HERC1: variants seen among roughly 807,000 people sequenced by gnomAD.
HERC1 encodes probable E3 ubiquitin-protein ligase HERC1.
Under a neutral mutation model 554.3 loss-of-function variants are expected in HERC1, and 160 were observed. That is an observed-to-expected ratio of 0.29 (90% CI 0.25 to 0.33). The LOEUF (loss-of-function observed/expected upper bound fraction) is 0.33. HERC1 is among the 10% of genes least tolerant of loss of function. HERC1 has a pLI of 1.00. For synonymous variants in HERC1, 2,175 were observed against 2,131.7 expected, an observed-to-expected ratio of 1.02 and a Z score of -0.56; for missense variants, 4,919 against 5,918.5, an observed-to-expected ratio of 0.83 and a Z score of 5.54.
At chr15:63,624,385 A>C (rs2068211145) in intron 71 of HERC1, 58 bp from the exon 72 acceptor site, 1 of 1,444,842 alleles carries the variant, frequency 6.9e-7, no homozygotes, top group African/African-American at 1.4e-5. Flanking sequence ...AAGAAATAAC[A>C]ATTTTCACTT....
chr15:63,802,427 G>A (rs897168939), intron 1 of HERC1, among the ~76,000 whole-genome samples: 2 of 152,092 alleles, frequency 1.3e-5, no homozygotes, highest in African/African-American at 4.8e-5. Flanking sequence ...GTGCCTATTC[G>A]GTGAGTAAAG....
intron 1 of HERC1, among the ~76,000 whole-genome samples, chr15:63,828,593 C>A (rs2078021702): frequency 6.6e-6 from 1 of 152,132 alleles, no homozygotes; most frequent in Admixed American, 6.5e-5. Flanking sequence ...CCCTCCTCGG[C>A]CTCCCAAAGT....
chr15:63,814,980 G>C (rs993048564), intron 1 of HERC1, among the ~76,000 whole-genome samples: 6 of 152,230 alleles, frequency 3.9e-5, no homozygotes, highest in Admixed American at 2.6e-4. Flanking sequence ...TATAAAATGA[G>C]TGGGGTCCTA....
chr15:63,758,831 T>C lies in HERC1; in HGVS notation c.1027-462A>G, dbSNP rs539011720. On this transcript the variant is annotated intron_variant, in intron 3 of 77. Coordinates refer to ENST00000443617, the MANE Select transcript of HERC1 (RefSeq NM_003922.4). The surrounding 1 kb of genome is among the most constrained non-coding windows in gnomAD (Gnocchi z 4.0). ...CAAATCCATGCCTACCTAGTCTTCA[T>C]GATTGAATAGATAATATTCCATCTA... 6.6e-6 allele frequency among the ~76,000 whole-genome samples: 1 copy of C among 152,328 alleles called. No homozygotes were observed. The highest frequency in any genetic ancestry group is 1.9e-4 in the East Asian group (1 of 5,188).
intron 2 of HERC1, among the ~76,000 whole-genome samples, chr15:63,764,491 G>A (rs1244346985): frequency 6.6e-6 from 1 of 152,164 alleles, no homozygotes; most frequent in Non-Finnish European, 1.5e-5. Flanking sequence ...GTGGAATTCT[G>A]CCAGTTACAC....
chr15:63,664,336 T>C (rs755492286), intron 43 of HERC1, 134 bp downstream of exon 43: 41 of 692,382 alleles, frequency 5.9e-5, no homozygotes, highest in Non-Finnish European at 8.0e-5. Context: ...GAAAATGATA[T>C]CCAAATAGCT....
At chr15:63,633,737 T>C (rs1268320004) in intron 67 of HERC1, 111 bp downstream of exon 67, 10 of 1,159,712 alleles carry the variant, frequency 8.6e-6, no homozygotes, top group Non-Finnish European at 8.4e-6. Flanking sequence ...TAAACTTCAT[T>C]ATGAACTACC....
chr15:63,638,786 A>G lies in HERC1; in HGVS notation c.11902-10T>C, dbSNP rs1214631247. Reference sequence around the variant, plus strand: ...TCCATTTACTGTTATCCTGAAAAACAGGGGGTACATAATGATCAATTCTGC... The same window carrying G: ...TCCATTTACTGTTATCCTGAAAAACGGGGGGTACATAATGATCAATTCTGC... On this transcript the variant is annotated splice_polypyrimidine_tract_variant and intron_variant, in intron 61 of 77. Transcript: ENST00000443617. The G allele has an allele frequency of 1.2e-6, 2 of 1,609,670 alleles. No individual in the cohort carries two copies. The highest frequency in any genetic ancestry group is 1.7e-5 in the Admixed American group (1 of 60,002).
chr15:63,734,613 C>A lies in HERC1; in HGVS notation c.2646+111G>T. 1.2e-6 allele frequency: 1 copy of A among 824,358 alleles called. No homozygotes were observed. Among genetic ancestry groups the A allele is most frequent in the Non-Finnish European group, 1.8e-6 (1 of 547,728 alleles). 51.1% of individuals were successfully genotyped at this position (824,358 alleles called of 1,614,324 possible). ...ATTCTTCCAGCACAACACATTAACCCATCAAGTACTTATGCTCCAAGAACA... is the reference window on the plus strand; with the variant it reads ...ATTCTTCCAGCACAACACATTAACCAATCAAGTACTTATGCTCCAAGAACA... On this transcript the variant is annotated intron_variant, in intron 13 of 77. Coordinates refer to ENST00000443617, the MANE Select transcript of HERC1 (RefSeq NM_003922.4). The surrounding 1 kb of genome is among the most constrained non-coding windows in gnomAD (Gnocchi z 4.6).
At chr15:63,793,959 C>T (rs78649500) in intron 1 of HERC1, among the ~76,000 whole-genome samples, 1,874 of 152,222 alleles carry the variant, frequency 0.012, 35 homozygotes, top group African/African-American at 0.043. Context: ...TCTAATAAAA[C>T]AGGTTACAGT....
intron 2 of HERC1, among the ~76,000 whole-genome samples, chr15:63,769,368 C>A (rs547666446): frequency 6.6e-6 from 1 of 151,952 alleles, no homozygotes; most frequent in East Asian, 1.9e-4. Flanking sequence ...TGCAGTGAGA[C>A]GAGATCTTGC....
intron 27 of HERC1, 38 bp downstream of exon 27, chr15:63,696,086 A>C: frequency 7.1e-7 from 1 of 1,415,526 alleles, no homozygotes; most frequent in Non-Finnish European, 9.9e-7. Context: ...TTGTAAAATG[A>C]CAGTTAAAAT....
At chr15:63,696,899 C>T (rs1408566999) in intron 26 of HERC1, among the ~76,000 whole-genome samples, 1 of 150,364 alleles carries the variant, frequency 6.7e-6, no homozygotes, top group Non-Finnish European at 1.5e-5. Context: ...AGACACTCCC[C>T]ATCACTGTAG....
chr15:63,798,486 T>G (rs1414851333), intron 1 of HERC1, among the ~76,000 whole-genome samples: 1 of 151,384 alleles, frequency 6.6e-6, no homozygotes, highest in African/African-American at 2.4e-5. Context: ...TTCAAACCAC[T>G]GCTTCTATCC....
At chr15:63,722,977 G>A (rs1207708040) in intron 19 of HERC1, among the ~76,000 whole-genome samples, 1 of 151,818 alleles carries the variant, frequency 6.6e-6, no homozygotes, top group African/African-American at 2.4e-5. Context: ...CACACAGTAG[G>A]TTTAAGTGGA....
chr15:63,691,141 TA>T (rs1223346049), intron 31 of HERC1, among the ~76,000 whole-genome samples: 3 of 152,182 alleles, frequency 2.0e-5, no homozygotes, highest in African/African-American at 7.2e-5. Flanking sequence ...TTGTTAGGGT[TA>T]ACCGGGAGTA....
At chr15:63,717,913 T>C (rs1416473261) in intron 21 of HERC1, among the ~76,000 whole-genome samples, 1 of 152,134 alleles carries the variant, frequency 6.6e-6, no homozygotes, top group Non-Finnish European at 1.5e-5. Flanking sequence ...TCATTTCCAA[T>C]GGTAGACAAC....
At chr15:63,826,801 AAAAAAAAAAAAAAATATATAT>A (rs1445931947) in intron 1 of HERC1, among the ~76,000 whole-genome samples, 2 of 84,146 alleles carry the variant, frequency 2.4e-5, no homozygotes, top group Admixed American at 1.3e-4. Context: ...AAAAAAAAAA[AAAAAAAAAAAAAAATATATAT>A]ATATATATAT....
At chr15:63,812,180 T>C (rs74019027) in intron 1 of HERC1, among the ~76,000 whole-genome samples, 1,607 of 152,282 alleles carry the variant, frequency 0.011, 21 homozygotes, top group African/African-American at 0.037. Context: ...CAAGTTTACT[T>C]AGGGTTGTGT....
Sources: allele counts gnomAD v4.1 joint callset (sites outside exome capture counted in the v4.1 genomes callset), GRCh38; gene constraint gnomAD v4.1.1; non-coding constraint Gnocchi (gnomAD v3.1); transcripts MANE v1.5; gene names NCBI Gene and HGNC (gene_info 2026-07-23, HGNC 2026-07-21).